Variants in SP140 observed in about 807,000 individuals in gnomAD.
SP140 encodes the protein SP140 nuclear body protein.
In SP140, 81 loss-of-function variants were observed where a neutral mutation model predicts 125.0. The observed-to-expected ratio is 0.65, with a 90% CI of 0.54 to 0.78. SP140 has a LOEUF of 0.78. Ranked by LOEUF, SP140 falls within the 30% of genes least tolerant of loss-of-function variation. The probability of loss-of-function intolerance (pLI) is 0.00; values close to 1 mark genes in which losing one functional copy is unlikely to be tolerated. For missense variants in SP140, 858 were observed against 1,037.0 expected (o/e 0.83, Z 2.37); for synonymous variants, 312 against 354.0 (o/e 0.88, Z 1.33).
Position 230,287,651 on chromosome 2 carries a change from C to T in SP140, c.1646-241C>T, listed in dbSNP as rs184849377. On this transcript the variant is annotated intron_variant, in intron 17 of 26. Coordinates refer to ENST00000392045, the MANE Select transcript of SP140 (RefSeq NM_007237.5). ...CATTTATACTTTTGCTTGAGATATA[C>T]GTGAAATACTGATTTCAATTAGTTT... Among the ~76,000 whole-genome samples the T allele has an allele frequency of 3.9e-3, 596 of 152,106 alleles. 8 individuals carry two copies. The highest frequency in any genetic ancestry group is 5.2e-3 in the Non-Finnish European group (354 of 67,992).
At chr2:230,280,143 C>T (rs1294041858) in intron 15 of SP140, among the ~76,000 whole-genome samples, 2 of 152,098 alleles carry the variant, frequency 1.3e-5, no homozygotes, top group African/African-American at 2.4e-5. Flanking sequence ...TAAATTCTTG[C>T]ACATGGTTGT....
At position 230,256,405 on chromosome 2, in the gene SP140, C is replaced by T. The variant is rs547265905; in HGVS notation, c.1240+873C>T. Among the ~76,000 whole-genome samples, 35 of 151,928 alleles carry T rather than the reference C, an allele frequency of 2.3e-4. 1 individual carries two copies. The highest frequency in any genetic ancestry group is 8.0e-4 in the African/African-American group (33 of 41,374). On this transcript the variant is annotated intron_variant, in intron 12 of 26. Coordinates refer to ENST00000392045, the MANE Select transcript of SP140 (RefSeq NM_007237.5). ...GGATGAAGCTGGAAACCATCATTCT[C>T]AGCAAACTATCACAAGGACAAAAAA...
intron 1 of SP140, chr2:230,235,110 CT>C (rs1296367029): frequency 6.6e-6 from 1 of 152,300 alleles, no homozygotes; most frequent in Admixed American, 6.5e-5. Context: ...TTATATTTTT[CT>C]TAAGAGGAAA....
rs1216371870 is a variant in SP140 at position 230,311,192 on chromosome 2, T to A, written c.2322T>A (p.Ser774=). The change falls in exon 25 of 27, where the codon TCT becomes TCA. Residue 774 remains serine, a synonymous_variant. Coordinates refer to ENST00000392045, the MANE Select transcript of SP140 (RefSeq NM_007237.5). ...TCCTCTTGAAAGTCTATTGCTGTTC[T>A]GAGAGCTCCTTTTTTGCCAAGATTC... ...EFLLLKVYCC[S]ESSFFAKIPY... 6.2e-7 allele frequency: 1 copy of A among 1,609,402 alleles called. No individual in the cohort carries two copies. The highest frequency in any genetic ancestry group is 1.1e-5 in the South Asian group (1 of 90,888).
the SP140 span, among the ~76,000 whole-genome samples, chr2:230,196,869 A>G: frequency 6.6e-6 from 1 of 152,198 alleles, no homozygotes; most frequent in Non-Finnish European, 1.5e-5. Flanking sequence ...AAAGGACATG[A>G]ACTCATCATT....
chr2:230,284,225 A>G (rs992259914), intron 15 of SP140, 121 bp from the exon 16 acceptor site: 12 of 886,268 alleles, frequency 1.4e-5, no homozygotes, highest in Non-Finnish European at 1.9e-5. Context: ...ATCATAAAGT[A>G]TTTTGCCCCA....
intron 3 of SP140, chr2:230,214,844 G>A: frequency 2.1e-6 from 2 of 932,900 alleles, no homozygotes; most frequent in South Asian, 2.7e-5. Flanking sequence ...CCACCCCAGA[G>A]AGAAGGCGGG....
Position 230,216,907 on chromosome 2 carries a change from G to A in SP140, c.-91+2833G>A, listed in dbSNP as rs201204030. On this transcript the variant is annotated intron_variant, in intron 3 of 4. Transcript: ENST00000456542. Reference sequence around the variant, plus strand: ...AGTGCTGAAAAAGAGCCTCTTCCATGGCTCTTGTCATGGTGAACATCCTAT... The same window carrying A: ...AGTGCTGAAAAAGAGCCTCTTCCATAGCTCTTGTCATGGTGAACATCCTAT... 3 of 1,613,706 alleles carry A rather than the reference G, an allele frequency of 1.9e-6. No individual in the cohort carries two copies. The highest frequency in any genetic ancestry group is 2.5e-6 in the Non-Finnish European group (3 of 1,179,964).
At chr2:230,291,843 A>T (rs979558432) in intron 19 of SP140, among the ~76,000 whole-genome samples, 9 of 152,238 alleles carry the variant, frequency 5.9e-5, no homozygotes, top group African/African-American at 2.2e-4. Flanking sequence ...GTGTTTCCAC[A>T]GTGGCTGCAC....
At position 230,248,870 on chromosome 2, in the gene SP140, C is replaced by G. The variant is rs199664604; in HGVS notation, c.893-15C>G. 3 of 1,605,218 alleles carry G rather than the reference C, an allele frequency of 1.9e-6. No individual in the cohort carries two copies. The highest frequency in any genetic ancestry group is 3.3e-4 in the Middle Eastern group (2 of 6,016). On this transcript the variant is annotated splice_polypyrimidine_tract_variant and intron_variant, in intron 8 of 26. Coordinates refer to ENST00000392045, the MANE Select transcript of SP140 (RefSeq NM_007237.5). ...GTCACCCTCTGTGGTCTGTCAATTT[C>G]TTGTTTATCTGCAGAGACCTTTGAT...
At chr2:230,203,714 A>G (rs1242108649) in intron 1 of SP140, 1 of 152,220 alleles carries the variant, frequency 6.6e-6, no homozygotes, top group Non-Finnish European at 1.5e-5. Context: ...TTTCAGCACT[A>G]CTATATATAT....
chr2:230,207,509 A>G (rs28392492), intron 1 of SP140, among the ~76,000 whole-genome samples: 18,167 of 152,208 alleles, frequency 0.12, 1,368 homozygotes, highest in Admixed American at 0.18. Flanking sequence ...TGGCTAGCAG[A>G]AACCTCTAAA....
At chr2:230,315,194 C>T (rs1162197089), downstream of SP140, among the ~76,000 whole-genome samples, 2 of 152,192 alleles carry the variant, frequency 1.3e-5, no homozygotes, top group East Asian at 3.9e-4. Context: ...AGCTTCCAAA[C>T]CTCAGCCAGT....
intron 12 of SP140, among the ~76,000 whole-genome samples, chr2:230,256,955 G>T (rs2051317528): frequency 6.6e-6 from 1 of 152,172 alleles, no homozygotes; most frequent in Non-Finnish European, 1.5e-5. Flanking sequence ...GATAGGGAAG[G>T]TGCTGTTATT....
intron 22 of SP140, among the ~76,000 whole-genome samples, chr2:230,300,688 C>G (rs539398339): frequency 1.3e-5 from 2 of 152,210 alleles, no homozygotes; most frequent in Non-Finnish European, 2.9e-5. Flanking sequence ...CTAACGTAGT[C>G]TACCCAAGTG....
At chr2:230,223,354 A>T (rs1165626977), upstream of SP140, among the ~76,000 whole-genome samples, 1 of 152,152 alleles carries the variant, frequency 6.6e-6, no homozygotes, top group Admixed American at 6.5e-5. Context: ...ATTCTATGGG[A>T]TGTCCAGGTG....
intron 15 of SP140, among the ~76,000 whole-genome samples, chr2:230,278,106 A>G (rs1045166508): frequency 2.0e-5 from 3 of 152,150 alleles, no homozygotes; most frequent in African/African-American, 7.2e-5. Context: ...CTTAGAGCAT[A>G]CAAGAGTTCC....
chr2:230,316,476 G>T (rs1055823470), downstream of SP140, among the ~76,000 whole-genome samples: 2 of 152,104 alleles, frequency 1.3e-5, no homozygotes, highest in Admixed American at 6.6e-5. Context: ...GAGGCAGTGG[G>T]TATACCATCT....
At chr2:230,270,728 G>T in intron 15 of SP140, 89 bp downstream of exon 15, 1 of 1,242,454 alleles carries the variant, frequency 8.0e-7, no homozygotes, top group Non-Finnish European at 1.2e-6. Context: ...TACTATTTCT[G>T]TTATTATTTG....
Sources: gnomAD v4.1 joint callset for allele counts (sites outside exome capture counted in the v4.1 genomes callset) on GRCh38, gnomAD v4.1.1 for gene constraint, MANE v1.5 for transcripts, NCBI Gene and HGNC (gene_info 2026-07-23, HGNC 2026-07-21) for gene names.